Variants in PSMB5 observed in about 807,000 individuals in gnomAD.
PSMB5 encodes proteasome 20S subunit beta 5.
Under a neutral mutation model 22.8 loss-of-function variants are expected in PSMB5, and 2 were observed. The observed-to-expected ratio is 0.09, with a 90% CI of 0.04 to 0.28. The LOEUF (loss-of-function observed/expected upper bound fraction) is 0.28. Among genes scored for constraint, PSMB5 ranks in the 10% least tolerant of loss-of-function variants. PSMB5 has a pLI of 1.00. For missense variants in PSMB5, 269 were observed against 343.8 expected, an observed-to-expected ratio of 0.78 and a Z score of 1.72; for synonymous variants, 133 against 135.3, an observed-to-expected ratio of 0.98 and a Z score of 0.12.
chr14:23,029,850 C>T (rs2046940608), intron 2 of PSMB5, among the ~76,000 whole-genome samples: 2 of 151,694 alleles, frequency 1.3e-5, no homozygotes, highest in South Asian at 4.2e-4. Flanking sequence ...GGCACGATCT[C>T]AGCTCACTGC....
rs1043324810 is a variant in PSMB5, at chr14:23,033,380, T to C, written c.493A>G (p.Lys165Glu). ...SMGTMICGWD[K>E]RGPGLYYVDS... Reference sequence around the variant, plus strand: ...CAGCTTAACTCACCAGGGCCTCTCTTATCCCAGCCACAGATCATGGTGCCC... The same window carrying C: ...CAGCTTAACTCACCAGGGCCTCTCTCATCCCAGCCACAGATCATGGTGCCC... The change falls in exon 2 of 3, where the codon AAG becomes GAG. Residue 165 changes from lysine (K) to glutamate (E), a missense_variant. By Grantham distance (56) the Lys-to-Glu change is moderately conservative (BLOSUM62 1). Transcript: ENST00000361611. The C allele has an allele frequency of 2.5e-6, 4 of 1,609,830 alleles. No individual in the cohort carries two copies. In the African/African-American group the frequency reaches 5.3e-5, roughly 22 times the overall value.
At chr14:23,030,842 T>C (rs1481300806) in intron 2 of PSMB5, among the ~76,000 whole-genome samples, 1 of 152,064 alleles carries the variant, frequency 6.6e-6, no homozygotes, top group Non-Finnish European at 1.5e-5. Flanking sequence ...AGGAGATCAC[T>C]TGAACCCAGG....
chr14:23,035,046 C>G, upstream of PSMB5: 1 of 1,349,296 alleles, frequency 7.4e-7, no homozygotes, highest in East Asian at 2.6e-5. Flanking sequence ...TGCGAAAGAC[C>G]ATTTTCACTG....
rs541890985 is a variant in PSMB5 at position 23,027,221 on chromosome 14, A to T, written c.506-846T>A. Among the ~76,000 whole-genome samples the T allele has an allele frequency of 2.7e-3, 403 of 151,604 alleles. 1 individual carries two copies. Among genetic ancestry groups the T allele is most frequent in the Non-Finnish European group, 4.7e-3 (321 of 67,872 alleles). ...CACGGTGAAACCCCGTCTCTACTAA[A>T]AAACAAAAAATTAGCCAGGTGTGGT... On this transcript the variant is annotated intron_variant, in intron 2 of 2. Coordinates refer to ENST00000361611, the MANE Select transcript of PSMB5 (RefSeq NM_002797.5).
At chr14:23,031,062 G>C (rs992650077) in intron 2 of PSMB5, among the ~76,000 whole-genome samples, 1 of 152,212 alleles carries the variant, frequency 6.6e-6, no homozygotes, top group African/African-American at 2.4e-5. Context: ...TCAAACCCAT[G>C]TTGCTCAAGG....
At chr14:23,031,516 C>T (rs1215780723) in intron 2 of PSMB5, among the ~76,000 whole-genome samples, 2 of 152,056 alleles carry the variant, frequency 1.3e-5, no homozygotes, top group Non-Finnish European at 2.9e-5. Context: ...ATTTAGTAAG[C>T]AGGTAAATGA....
chr14:23,027,649 A>G (rs576845681), intron 2 of PSMB5: 24 of 851,028 alleles, frequency 2.8e-5, no homozygotes, highest in Non-Finnish European at 4.1e-5. Context: ...TGCTGTCTTC[A>G]GGAAAAAAAA....
At chr14:23,035,127 TG>T (rs2046982838), upstream of PSMB5, 1 of 660,730 alleles carries the variant, frequency 1.5e-6, no homozygotes, top group South Asian at 2.1e-5. Flanking sequence ...ATCTTGGCTT[TG>T]GTCATGCAAG....
chr14:23,033,916 AC>A (rs2046972035), intron 1 of PSMB5, among the ~76,000 whole-genome samples: 1 of 152,144 alleles, frequency 6.6e-6, no homozygotes, highest in South Asian at 2.1e-4. Flanking sequence ...CACTCCTGTA[AC>A]CCAGGCATTT....
In PSMB5 at chr14:23,032,462, G is replaced by A. The variant is rs1047052382; in HGVS notation, c.505+906C>T. Among the ~76,000 whole-genome samples, 42 of 151,812 alleles carry A rather than the reference G, an allele frequency of 2.8e-4. No homozygotes were observed. In the East Asian group the frequency reaches 7.7e-3, roughly 28 times the overall value. On this transcript the variant is annotated intron_variant, in intron 2 of 2. Transcript: ENST00000361611. ...TTTGCATCTCAAAAAAAGAAAAAAA[G>A]AAAAAAACAGAAGAGAAATGACTAA...
Position 23,033,436 on chromosome 14 carries a change from A to C in PSMB5, c.437T>G (p.Val146Gly), listed in dbSNP as rs776954533. The change falls in exon 2 of 3, where the codon GTG (valine) becomes GGG (glycine). Residue 146 changes from valine (V) to glycine (G), a missense_variant. Transcript: ENST00000361611. ...AAASKLLANMVYQYKGMGLSM... is the reference protein window; with the variant it reads ...AAASKLLANMGYQYKGMGLSM... Reference sequence around the variant, plus strand: ...CAGCCCCATGCCTTTGTACTGATACACCATGTTGGCAAGCAGTTTGGAGGC... The same window carrying C: ...CAGCCCCATGCCTTTGTACTGATACCCCATGTTGGCAAGCAGTTTGGAGGC... 1 of 1,613,924 alleles carries C rather than the reference A, an allele frequency of 6.2e-7. No individual in the cohort carries two copies. Among genetic ancestry groups the C allele is most frequent in the African/African-American group, 1.3e-5 (1 of 74,854 alleles).
chr14:23,026,027 C>T lies in PSMB5; in HGVS notation c.*62G>A, dbSNP rs1404385038. The T allele has an allele frequency of 6.3e-7, 1 of 1,585,176 alleles. No individual in the cohort carries two copies. Among genetic ancestry groups the T allele is most frequent in the African/African-American group, 1.3e-5 (1 of 74,494 alleles). ...TATAAATAGGATGGAGGATGGGTCA[C>T]TGTGTCCGTATTACCAATGACAGTC... On this transcript the variant is annotated 3_prime_UTR_variant, in exon 3 of 3. Coordinates refer to ENST00000361611, the MANE Select transcript of PSMB5 (RefSeq NM_002797.5).
At chr14:23,030,601 C>T (rs2046945802) in intron 2 of PSMB5, among the ~76,000 whole-genome samples, 2 of 152,180 alleles carry the variant, frequency 1.3e-5, no homozygotes, top group Admixed American at 6.5e-5. Flanking sequence ...AATCTATGCA[C>T]ACTCAAGTCC....
chr14:23,026,704 A>C (rs919655546), intron 2 of PSMB5, among the ~76,000 whole-genome samples: 9 of 149,278 alleles, frequency 6.0e-5, no homozygotes, highest in Non-Finnish European at 1.2e-4. Context: ...CCCTTCTCGG[A>C]CTCCCAAAGT....
intron 1 of PSMB5, among the ~76,000 whole-genome samples, chr14:23,034,250 G>A (rs866703784): frequency 1.2e-4 from 19 of 152,044 alleles, no homozygotes; most frequent in African/African-American, 3.9e-4. Context: ...CTGATTCTTA[G>A]TACAATGCTT....
intron 2 of PSMB5, among the ~76,000 whole-genome samples, chr14:23,030,952 AAATT>A (rs1278072073): frequency 2.0e-5 from 3 of 152,246 alleles, no homozygotes; most frequent in Non-Finnish European, 4.4e-5. Context: ...ATAAATAAAT[AAATT>A]GGTCCTCTGT....
At chr14:23,031,554 ATAAT>A (rs1374383010) in intron 2 of PSMB5, among the ~76,000 whole-genome samples, 4 of 152,248 alleles carry the variant, frequency 2.6e-5, no homozygotes, top group Non-Finnish European at 5.9e-5. Flanking sequence ...GGAGGAAAGA[ATAAT>A]TATTTTTAAG....
chr14:23,027,870 G>T, intron 2 of PSMB5: 1 of 1,468,322 alleles, frequency 6.8e-7, no homozygotes, highest in Non-Finnish European at 9.3e-7. Context: ...CCGGCCAGGC[G>T]CAGTGGCTCA....
intron 2 of PSMB5, among the ~76,000 whole-genome samples, chr14:23,026,730 G>A (rs376820343): frequency 4.1e-4 from 62 of 151,114 alleles, no homozygotes; most frequent in African/African-American, 1.4e-3. Flanking sequence ...GATTACAGGC[G>A]TGAGCCACCT....
Sources: allele counts gnomAD v4.1 joint callset (sites outside exome capture counted in the v4.1 genomes callset), GRCh38; gene constraint gnomAD v4.1.1; transcripts MANE v1.5; gene names NCBI Gene and HGNC (gene_info 2026-07-23, HGNC 2026-07-21).